RARB: variants seen among roughly 807,000 people sequenced by gnomAD.
RARB encodes retinoic acid receptor beta.
RARB carries 17 observed loss-of-function variants against 51.9 expected under a neutral mutation model. The ratio of observed to expected loss-of-function variants is 0.33; its 90% confidence interval spans 0.22 to 0.49. The LOEUF (loss-of-function observed/expected upper bound fraction) is 0.49. Among genes scored for constraint, RARB ranks in the 20% least tolerant of loss-of-function variants. The probability of loss-of-function intolerance (pLI) is 0.99; values close to 1 mark genes in which losing one functional copy is unlikely to be tolerated. For synonymous variants in RARB, 215 were observed against 195.4 expected (o/e 1.10, Z -0.84); for missense variants, 369 against 550.8 (o/e 0.67, Z 3.30).
At chr3:24,988,269 C>T (rs552607332) in intron 2 of RARB, among the ~76,000 whole-genome samples, 1 of 152,170 alleles carries the variant, frequency 6.6e-6, no homozygotes, top group African/African-American at 2.4e-5. Flanking sequence ...AAAAGCCATG[C>T]TTTGAGCTTA....
intron 3 of RARB, among the ~76,000 whole-genome samples, chr3:25,543,582 A>G (rs1458223760): frequency 6.6e-6 from 1 of 151,732 alleles, no homozygotes; most frequent in Non-Finnish European, 1.5e-5. Flanking sequence ...TTATGTTGCT[A>G]TATCTGCCCA....
At chr3:24,840,333 A>G (rs969162694) in intron 1 of RARB, among the ~76,000 whole-genome samples, 2 of 152,182 alleles carry the variant, frequency 1.3e-5, no homozygotes, top group African/African-American at 4.8e-5. Context: ...CTGTGAAGGT[A>G]TAAAGGCACA....
At chr3:24,917,338 G>T (rs191846391) in intron 2 of RARB, among the ~76,000 whole-genome samples, 175 of 152,236 alleles carry the variant, frequency 1.1e-3, no homozygotes, top group African/African-American at 4.1e-3. Flanking sequence ...CTTAAAAAAT[G>T]TATGTTTCAA....
At chr3:25,326,689 C>T (rs1185699774) in intron 5 of RARB, among the ~76,000 whole-genome samples, 1 of 152,084 alleles carries the variant, frequency 6.6e-6, no homozygotes, top group Non-Finnish European at 1.5e-5. Flanking sequence ...TTGTCAATCC[C>T]TGGAATCTCT....
chr3:25,048,542 A>C (rs1698261886), intron 2 of RARB, among the ~76,000 whole-genome samples: 1 of 152,114 alleles, frequency 6.6e-6, no homozygotes, highest in South Asian at 2.1e-4. Context: ...TTTTCTAAAA[A>C]TATTTATAAT....
chr3:25,270,474 AAT>A (rs1703232908), intron 5 of RARB, among the ~76,000 whole-genome samples: 1 of 152,168 alleles, frequency 6.6e-6, no homozygotes, highest in African/African-American at 2.4e-5. Flanking sequence ...AAATGGTAAA[AAT>A]GTTATGCATA....
At chr3:25,125,388 T>C (rs1002530170) in intron 3 of RARB, among the ~76,000 whole-genome samples, 14 of 152,158 alleles carry the variant, frequency 9.2e-5, no homozygotes, top group African/African-American at 3.4e-4. Context: ...TCTGTTCTCA[T>C]GAGGACCGTT....
At chr3:25,515,716 G>A (rs965229760) in intron 3 of RARB, among the ~76,000 whole-genome samples, 1 of 152,148 alleles carries the variant, frequency 6.6e-6, no homozygotes, top group Non-Finnish European at 1.5e-5. Context: ...AGCAAAACTT[G>A]TCTATATGAT....
chr3:24,854,090 A>G (rs1477473750), intron 1 of RARB, among the ~76,000 whole-genome samples: 2 of 152,158 alleles, frequency 1.3e-5, no homozygotes, highest in African/African-American at 4.8e-5. Flanking sequence ...CATCGTAAAT[A>G]GAGAATGCAG....
intron 3 of RARB, among the ~76,000 whole-genome samples, chr3:25,108,143 A>G (rs954646795): frequency 5.3e-5 from 8 of 152,208 alleles, no homozygotes; most frequent in Non-Finnish European, 8.8e-5. Flanking sequence ...GCAAGATGGC[A>G]CAAGATTTCC....
intron 5 of RARB, among the ~76,000 whole-genome samples, chr3:25,338,585 C>T (rs986296834): frequency 5.3e-5 from 8 of 152,184 alleles, no homozygotes; most frequent in Non-Finnish European, 1.0e-4. Context: ...AGGAACCTCC[C>T]TTTTAACCAT....
intron 3 of RARB, among the ~76,000 whole-genome samples, chr3:25,120,801 C>T (rs1300381679): frequency 6.6e-6 from 1 of 152,060 alleles, no homozygotes; most frequent in Non-Finnish European, 1.5e-5. Context: ...GATCAGGAAT[C>T]CTCACATCAT....
At chr3:25,206,279 C>A (rs2125374728) in intron 5 of RARB, among the ~76,000 whole-genome samples, 1 of 152,296 alleles carries the variant, frequency 6.6e-6, no homozygotes, top group South Asian at 2.1e-4. Flanking sequence ...AGTGTTCTTA[C>A]ATAAATTTGA....
intron 2 of RARB, among the ~76,000 whole-genome samples, chr3:25,039,133 T>C (rs567013630): frequency 5.9e-5 from 9 of 152,132 alleles, no homozygotes; most frequent in Non-Finnish European, 7.4e-5. Context: ...CAAAAATACA[T>C]CAAAATAAAG....
At chr3:25,188,615 T>A (rs186465030) in intron 5 of RARB, among the ~76,000 whole-genome samples, 151 of 152,290 alleles carry the variant, frequency 9.9e-4, no homozygotes, top group African/African-American at 3.5e-3. Context: ...CTGATATCCA[T>A]GTACTCTACC....
intron 5 of RARB, among the ~76,000 whole-genome samples, chr3:25,354,824 G>T (rs574216256): frequency 6.6e-6 from 1 of 151,942 alleles, no homozygotes; most frequent in East Asian, 1.9e-4. Context: ...TGGGGTTACT[G>T]AGTTTCATGA....
At chr3:25,094,072 A>T (rs2125318102) in intron 3 of RARB, among the ~76,000 whole-genome samples, 1 of 152,282 alleles carries the variant, frequency 6.6e-6, no homozygotes, top group East Asian at 1.9e-4. Context: ...AGACCCAGAG[A>T]AAATGATGAC....
At chr3:25,021,550 G>C (rs983869857) in intron 2 of RARB, among the ~76,000 whole-genome samples, 2 of 152,126 alleles carry the variant, frequency 1.3e-5, no homozygotes, top group African/African-American at 4.8e-5. Flanking sequence ...GCAGTGGTTT[G>C]AAGACTTAGT....
rs545470110 is a variant in RARB, at chr3:24,985,213, C to T, written c.-379-74912C>T. Among the ~76,000 whole-genome samples the T allele has an allele frequency of 6.6e-5, 10 of 152,272 alleles. No individual in the cohort carries two copies. The South Asian group carries it at 1.0e-3, about 16-fold the overall frequency. The stretch of plus-strand genomic sequence containing the variant: ...CATACTAACTTGTTATCTTGAATCA[C>T]ATAAGAATTTATCTTCCTCACCATG... On this transcript the variant is annotated intron_variant, in intron 2 of 11. Coordinates refer to the RARB transcript ENST00000383772.
Sources: allele counts gnomAD v4.1 joint callset (sites outside exome capture counted in the v4.1 genomes callset), GRCh38; gene constraint gnomAD v4.1.1; transcripts MANE v1.5; gene names NCBI Gene and HGNC (gene_info 2026-07-23, HGNC 2026-07-21).